The following NEK11 variants were observed in gnomAD, a reference collection of about 807,000 sequenced individuals.
NEK11 encodes NIMA related kinase 11, also known as serine/threonine-protein kinase Nek11.
In NEK11, 72 loss-of-function variants were observed where a neutral mutation model predicts 80.7. That is an observed-to-expected ratio of 0.89 (90% CI 0.74 to 1.08). The LOEUF is 1.08. Ranked by LOEUF, NEK11 falls within the 50% of genes least tolerant of loss-of-function variation. The pLI, the probability that NEK11 is intolerant of heterozygous loss-of-function variation, is 0.00. For synonymous variants in NEK11, 251 were observed against 260.7 expected, an observed-to-expected ratio of 0.96 and a Z score of 0.36; for missense variants, 764 against 763.6, an observed-to-expected ratio of 1.00 and a Z score of -0.01.
At chr3:131,057,014 T>G (rs565278710) in intron 3 of NEK11, among the ~76,000 whole-genome samples, 6 of 149,468 alleles carry the variant, frequency 4.0e-5, no homozygotes, top group African/African-American at 9.8e-5. Context: ...ATTAGGTATA[T>G]CTCCTAATGC....
intron 17 of NEK11, among the ~76,000 whole-genome samples, chr3:131,339,211 G>C (rs1346034073): frequency 6.6e-6 from 1 of 152,094 alleles, no homozygotes; most frequent in African/African-American, 2.4e-5. Context: ...GACTCACAAA[G>C]TGTCTATTTT....
intron 17 of NEK11, among the ~76,000 whole-genome samples, chr3:131,302,869 T>C (rs1285743884): frequency 6.6e-6 from 1 of 152,210 alleles, no homozygotes; most frequent in Non-Finnish European, 1.5e-5. Context: ...CGGGTCCTTT[T>C]GGTCAAATGT....
At chr3:131,343,559 T>A (rs1302901616) in intron 17 of NEK11, among the ~76,000 whole-genome samples, 2 of 152,212 alleles carry the variant, frequency 1.3e-5, no homozygotes, top group Non-Finnish European at 2.9e-5. Flanking sequence ...AGTATCTCTG[T>A]GAGGGCTTCA....
intron 15 of NEK11, among the ~76,000 whole-genome samples, chr3:131,235,105 T>G (rs191376588): frequency 6.6e-6 from 1 of 152,276 alleles, no homozygotes; most frequent in African/African-American, 2.4e-5. Flanking sequence ...CAGTCTCCCT[T>G]GTTGGTGGCT....
chr3:131,343,860 G>A (rs1317285188), intron 17 of NEK11, among the ~76,000 whole-genome samples: 1 of 152,166 alleles, frequency 6.6e-6, no homozygotes, highest in Non-Finnish European at 1.5e-5. Context: ...TCCCTCCTAG[G>A]CCTCTGGGCC....
At chr3:131,252,705 G>T (rs149475872) in intron 16 of NEK11, among the ~76,000 whole-genome samples, 1 of 151,988 alleles carries the variant, frequency 6.6e-6, no homozygotes, top group Non-Finnish European at 1.5e-5. Context: ...TTACCTAGAG[G>T]GCTTAAAATA....
intron 5 of NEK11, among the ~76,000 whole-genome samples, chr3:131,121,819 G>T (rs538613359): frequency 6.6e-6 from 1 of 152,304 alleles, no homozygotes; most frequent in Admixed American, 6.5e-5. Context: ...TGTGCCATTT[G>T]CTAAGACCAT....
At chr3:131,145,637 T>C (rs1355173588) in intron 7 of NEK11, among the ~76,000 whole-genome samples, 1 of 152,080 alleles carries the variant, frequency 6.6e-6, no homozygotes, top group South Asian at 2.1e-4. Flanking sequence ...TAGCCCTGAT[T>C]TCCAACTCAA....
intron 15 of NEK11, among the ~76,000 whole-genome samples, chr3:131,240,017 C>G (rs892916005): frequency 6.6e-6 from 1 of 152,168 alleles, no homozygotes; most frequent in African/African-American, 2.4e-5. Flanking sequence ...CCATCTCCAA[C>G]TCTTTAAGTT....
intron 16 of NEK11, among the ~76,000 whole-genome samples, chr3:131,269,063 A>C (rs2096123250): frequency 6.6e-6 from 1 of 152,198 alleles, no homozygotes; most frequent in South Asian, 2.1e-4. Flanking sequence ...CTTTGTTTAC[A>C]CTATGAGGGG....
rs1440461809 is a variant in NEK11, at chr3:131,053,813, A to G, written c.170+23935A>G. 2 of 152,280 alleles carry G rather than the reference A, an allele frequency of 1.3e-5. 1 individual carries two copies. The highest frequency in any genetic ancestry group is 2.9e-5 in the Non-Finnish European group (2 of 68,048). 9.4% of individuals were successfully genotyped at this position (152,280 alleles called of 1,614,324 possible). A position where few individuals can be genotyped will look rare whatever the true frequency, so the allele number is the denominator to read the frequency against. ...AGTCTATTTAACTATAAGACTGTGT[A>G]ACACAGGACAACAAAAATGGGATAT... On this transcript the variant is annotated intron_variant, in intron 3 of 17. Transcript: ENST00000383366.
chr3:131,087,105 T>C (rs1281311167), intron 4 of NEK11, among the ~76,000 whole-genome samples: 1 of 152,182 alleles, frequency 6.6e-6, no homozygotes, highest in Admixed American at 6.5e-5. Context: ...TGTTCGTTAT[T>C]TCACTGTTAC....
chr3:131,260,278 A>G (rs1235646949), intron 16 of NEK11, among the ~76,000 whole-genome samples: 1 of 152,114 alleles, frequency 6.6e-6, no homozygotes, highest in Non-Finnish European at 1.5e-5. Flanking sequence ...GGAGTCAGGA[A>G]ACCACAGTTC....
chr3:131,115,970 C>G (rs2081122072), intron 5 of NEK11, among the ~76,000 whole-genome samples: 1 of 136,914 alleles, frequency 7.3e-6, no homozygotes, highest in Non-Finnish European at 1.6e-5. Context: ...TTCTTTCTTT[C>G]TTTCTTTCTT....
intron 17 of NEK11, among the ~76,000 whole-genome samples, chr3:131,280,539 T>C (rs1439026120): frequency 6.6e-6 from 1 of 152,210 alleles, no homozygotes; most frequent in Non-Finnish European, 1.5e-5. Context: ...CATAGCAAAA[T>C]TGACTGGAAC....
intron 4 of NEK11, among the ~76,000 whole-genome samples, chr3:131,098,885 GT>G (rs2077919943): frequency 6.6e-6 from 1 of 150,708 alleles, no homozygotes; most frequent in South Asian, 2.1e-4. Flanking sequence ...TTAAACGTTT[GT>G]TGGATGCATC....
intron 14 of NEK11, among the ~76,000 whole-genome samples, chr3:131,203,781 A>G (rs1243715897): frequency 0.1 from 540 of 5,330 alleles, 12 homozygotes; most frequent in African/African-American, 0.21. Flanking sequence ...ATATATATAT[A>G]TATATATATA....
chr3:131,039,127 G>A (rs2066070895), intron 3 of NEK11, among the ~76,000 whole-genome samples: 1 of 152,050 alleles, frequency 6.6e-6, no homozygotes, highest in African/African-American at 2.4e-5. Flanking sequence ...TTTAGGATGA[G>A]TGCAAAAAAT....
At chr3:131,179,261 G>A (rs1384657683) in intron 14 of NEK11, among the ~76,000 whole-genome samples, 1 of 152,174 alleles carries the variant, frequency 6.6e-6, no homozygotes, top group African/African-American at 2.4e-5. Context: ...CAGCCTCCAG[G>A]ACTGTGAGAA....
Sources: allele counts gnomAD v4.1 joint callset (sites outside exome capture counted in the v4.1 genomes callset), GRCh38; gene constraint gnomAD v4.1.1; transcripts MANE v1.5; gene names NCBI Gene and HGNC (gene_info 2026-07-23, HGNC 2026-07-21).